The following GDPD2 variants were observed in gnomAD, a reference collection of about 807,000 sequenced individuals.
The protein encoded by GDPD2 is glycerophosphodiester phosphodiesterase domain containing 2, also known as glycerophosphodiester phosphodiesterase 3.
A neutral mutation model predicts 49.2 loss-of-function variants in GDPD2; 23 were observed. The observed-to-expected ratio is 0.47, with a 90% confidence interval of 0.34 to 0.66. GDPD2 has a LOEUF of 0.66. GDPD2 is among the 30% of genes least tolerant of loss of function. GDPD2 has a pLI of 0.01. For missense variants in GDPD2, 338 were observed against 424.7 expected (o/e 0.80, Z 1.79); for synonymous variants, 167 against 171.4 (o/e 0.97, Z 0.20).
At position 70,433,379 on chromosome X, in the gene GDPD2, G is replaced by T; in HGVS notation, c.*293G>T. 2.7e-6 allele frequency: 1 copy of T among 371,350 alleles called. No homozygotes were observed. Among genetic ancestry groups the T allele is most frequent in the Admixed American group, 4.7e-5 (1 of 21,321 alleles). The allele number at this position is 371,350 out of a possible 1,213,427, so 30.6% of individuals were successfully genotyped here. On this transcript the variant is annotated 3_prime_UTR_variant, in exon 16 of 16. Transcript: ENST00000374382. ...AGAGGAAGTAAAAGGGAGATTGCTC[G>T]GATAATGTCTCAGACTTGTGTGCAC...
At chrX:70,432,252 A>G in intron 12 of GDPD2, 55 bp from the exon 13 acceptor site, 1 of 1,097,868 alleles carries the variant, frequency 9.1e-7, no homozygotes, top group Non-Finnish European at 1.2e-6. Flanking sequence ...GCTGCCTCCC[A>G]TGTCCTGTGC....
Position 70,427,457 on chromosome X carries a change from C to A in GDPD2, c.930C>A (p.Phe310Leu). Residue 310 changes from phenylalanine (F) to leucine (L), a missense_variant, in exon 10 of 16, where the codon TTC becomes TTA. By Grantham distance (22) the Phe-to-Leu change is conservative. Around this residue, in one of 3 missense-constraint regions of GDPD2, gnomAD observed 253 missense variants for 330.4 expected, o/e 0.77. Coordinates refer to ENST00000374382, the MANE Select transcript of GDPD2 (RefSeq NM_017711.4). The stretch of plus-strand genomic sequence containing the variant: ...AGAGACTCAATGCTGGATCCTGGTT[C>A]CTAGAGGTGAGGACAGCCTCTGCAA... ...ELKRLNAGSWFLERRPFWGAK... is the reference protein window; with the variant it reads ...ELKRLNAGSWLLERRPFWGAK... The A allele has an allele frequency of 8.3e-7, 1 of 1,207,532 alleles. No individual in the cohort carries two copies. Among genetic ancestry groups the A allele is most frequent in the Non-Finnish European group, 1.1e-6 (1 of 892,295 alleles).
In GDPD2 at chrX:70,432,907, C is replaced by T. The variant is rs185803470; in HGVS notation, c.1539-5C>T. ...ACTCATAATGGGAAGCTTTTCTCCCCACAGAAGATTTGTTAAGAAGAGAGG... is the reference window on the plus strand; with the variant it reads ...ACTCATAATGGGAAGCTTTTCTCCCTACAGAAGATTTGTTAAGAAGAGAGG... On this transcript the variant is annotated splice_region_variant and splice_polypyrimidine_tract_variant and intron_variant, in intron 14 of 15. Transcript: ENST00000374382. The T allele has an allele frequency of 1.6e-4, 185 of 1,186,001 alleles. 2 individuals carry two copies. The highest frequency in any genetic ancestry group is 1.4e-3 in the Middle Eastern group (6 of 4,310).
At chrX:70,431,142 C>A (rs1465300187) in intron 12 of GDPD2, 1 of 1,126,516 alleles carries the variant, frequency 8.9e-7, no homozygotes, top group Non-Finnish European at 1.2e-6. Context: ...TATTTATTTC[C>A]CCGAGTTATC....
chrX:70,430,141 G>C (rs974827217), intron 12 of GDPD2, 78 bp downstream of exon 12: 1 of 895,798 alleles, frequency 1.1e-6, no homozygotes, highest in Non-Finnish European at 1.6e-6. Flanking sequence ...GGAGAGCAAA[G>C]CCTCTTGATT....
chrX:70,430,100 G>A, intron 12 of GDPD2, 37 bp downstream of exon 12: 2 of 1,127,516 alleles, frequency 1.8e-6, no homozygotes, highest in Non-Finnish European at 2.4e-6. Context: ...GGGATCACAT[G>A]AGGCTTAATG....
rs140680809 is a variant in GDPD2, at chrX:70,430,267, T to A, written c.1307+204T>A. The stretch of plus-strand genomic sequence containing the variant: ...AAGGTTCCTGCTTTTGTGGAATACA[T>A]GTACTACTGAAGAAAACAGAATAAA... On this transcript the variant is annotated intron_variant, in intron 12 of 15. Coordinates refer to ENST00000374382, the MANE Select transcript of GDPD2 (RefSeq NM_017711.4). 5.0e-3 allele frequency among the ~76,000 whole-genome samples: 562 copies of A among 112,521 alleles called. 4 individuals are homozygous for A. The highest frequency in any genetic ancestry group is 0.017 in the African/African-American group (534 of 30,964).
At chrX:70,431,018 C>T in intron 12 of GDPD2, 1 of 595,763 alleles carries the variant, frequency 1.7e-6, no homozygotes, top group South Asian at 2.5e-5. Flanking sequence ...AAACTACTGG[C>T]CTCAAGCAAT....
chrX:70,426,992 G>A lies in GDPD2; in HGVS notation c.683G>A (p.Gly228Glu), dbSNP rs749011498. The A allele has an allele frequency of 8.3e-7, 1 of 1,203,267 alleles. No homozygotes were observed. Among genetic ancestry groups the A allele is most frequent in the Non-Finnish European group, 1.1e-6 (1 of 891,140 alleles). Residue 228 changes from glycine (G) to glutamate (E), a missense_variant, in exon 8 of 16, where the codon GGA becomes GAA. By Grantham distance (98) the Gly-to-Glu change is moderately conservative. Coordinates refer to ENST00000374382, the MANE Select transcript of GDPD2 (RefSeq NM_017711.4). ...RDLPPKPGLV[G>E]HRGAPMLAPE... The stretch of plus-strand genomic sequence containing the variant: ...TTACCACCCAAGCCTGGGCTGGTGG[G>A]ACACCGAGGGGCCCCCATGGTGAGT...
chrX:70,427,949 T>G (rs182344603), intron 10 of GDPD2: 33 of 112,777 alleles, frequency 2.9e-4, no homozygotes, highest in African/African-American at 1.0e-3. Flanking sequence ...GGATATTGAA[T>G]TTTTTCAGTT....
At position 70,432,693 on chromosome X, in the gene GDPD2, C is replaced by G. The variant is rs780951546; in HGVS notation, c.1538+32C>G. The G allele has an allele frequency of 2.6e-5, 27 of 1,050,104 alleles. No individual in the cohort carries two copies. In the Middle Eastern group the frequency reaches 8.3e-4, roughly 32 times the overall value. The allele number at this position is 1,050,104 out of a possible 1,213,427, so 86.5% of individuals were successfully genotyped here. On this transcript the variant is annotated intron_variant, in intron 14 of 15. Coordinates refer to ENST00000374382, the MANE Select transcript of GDPD2 (RefSeq NM_017711.4). ...GCTTTGTGCCTCAGCTTTCTGGGTC[C>G]TTACTTTCTCCAGGGCCCTGGTGAT...
intron 8 of GDPD2, 30 bp downstream of exon 8, chrX:70,427,041 GGGGA>G (rs1436126750): frequency 8.4e-7 from 1 of 1,187,009 alleles, no homozygotes; most frequent in Non-Finnish European, 1.1e-6. Context: ...CTGGGAGGGT[GGGGA>G]GGGTCTGCTC....
At position 70,432,594 on chromosome X, in the gene GDPD2, C is replaced by T; in HGVS notation, c.1471C>T (p.Leu491=). 2.5e-6 allele frequency: 3 copies of T among 1,201,068 alleles called. No individual in the cohort carries two copies. Among genetic ancestry groups the T allele is most frequent in the Non-Finnish European group, 3.4e-6 (3 of 885,898 alleles). ...ATTTTCACAGACCCCTCAAACCTAC[C>T]TAATCATATGGGTCATTACCAATTG... ...PIWLITPQTY[L]IIWVITNCVS... is the part of the protein sequence containing the mutation. Residue 491 remains leucine, a synonymous_variant, in exon 14 of 16, where the codon CTA becomes TTA. Coordinates refer to ENST00000374382, the MANE Select transcript of GDPD2 (RefSeq NM_017711.4).
rs149192274 is a variant in GDPD2, at chrX:70,431,935, T to C, written c.1308-372T>C. Among the ~76,000 whole-genome samples the C allele has an allele frequency of 4.9e-3, 547 of 111,638 alleles. 7 individuals are homozygous for C. The highest frequency in any genetic ancestry group is 0.017 in the African/African-American group (531 of 30,717). On this transcript the variant is annotated intron_variant, in intron 12 of 15. Transcript: ENST00000374382. ...CCCCATATTTTCAAAGGAACATTGA[T>C]AAATTGGAATATATCATATTAGAGA...
At chrX:70,427,533 G>C in intron 10 of GDPD2, 70 bp downstream of exon 10, 1 of 932,570 alleles carries the variant, frequency 1.1e-6, no homozygotes, top group Non-Finnish European at 1.5e-6. Flanking sequence ...TCATTCTGTT[G>C]ATAAGCATTT....
intron 1 of GDPD2, among the ~76,000 whole-genome samples, chrX:70,424,375 T>C (rs1357687023): frequency 3.6e-5 from 4 of 111,859 alleles, no homozygotes; most frequent in Non-Finnish European, 5.6e-5. Flanking sequence ...CTTTGTCCCC[T>C]GAGAGGTGGA....
At chrX:70,424,871 G>A (rs905962787) in intron 1 of GDPD2, 105 bp from the exon 2 acceptor site, 12 of 502,163 alleles carry the variant, frequency 2.4e-5, no homozygotes, top group South Asian at 7.1e-5. Flanking sequence ...GCTGAGCAGC[G>A]GCCCAGGCCT....
chrX:70,426,286 G>T, intron 5 of GDPD2, 85 bp from the exon 6 acceptor site: 1 of 869,488 alleles, frequency 1.2e-6, no homozygotes, highest in Non-Finnish European at 1.7e-6. Context: ...GAAGGGTCGG[G>T]TCCCATCTCT....
At position 70,426,629 on chromosome X, in the gene GDPD2, C is replaced by T. The variant is rs1335851236; in HGVS notation, c.463-19C>T. The T allele has an allele frequency of 1.7e-6, 2 of 1,171,030 alleles. No homozygotes were observed. Among genetic ancestry groups the T allele is most frequent in the Non-Finnish European group, 2.3e-6 (2 of 861,345 alleles). Reference sequence around the variant, plus strand: ...AGGGGCACTGGAGAAGAGCCCACCTCACCAGCTCTTGTCCACAGGCCACAG... The same window carrying T: ...AGGGGCACTGGAGAAGAGCCCACCTTACCAGCTCTTGTCCACAGGCCACAG... On this transcript the variant is annotated intron_variant, in intron 6 of 15. Coordinates refer to ENST00000374382, the MANE Select transcript of GDPD2 (RefSeq NM_017711.4).
Sources: gnomAD v4.1 joint callset for allele counts (sites outside exome capture counted in the v4.1 genomes callset) on GRCh38, gnomAD v4.1.1 for gene constraint, gnomAD v4.1.1 regional missense constraint, MANE v1.5 for transcripts, NCBI Gene and HGNC (gene_info 2026-07-23, HGNC 2026-07-21) for gene names.